CEP350: variants seen among roughly 807,000 people sequenced by gnomAD.
CEP350 encodes centrosomal protein 350, also known as centrosome-associated protein 350.
Under a neutral mutation model 331.8 loss-of-function variants are expected in CEP350, and 126 were observed. That is an observed-to-expected ratio of 0.38 (90% CI 0.33 to 0.44). The LOEUF is 0.44. CEP350 is among the 20% of genes least tolerant of loss of function. The pLI, the probability that CEP350 is intolerant of heterozygous loss-of-function variation, is 1.00. For synonymous variants in CEP350, 1,200 were observed against 1,259.5 expected (o/e 0.95, Z 1.00); for missense variants, 3,406 against 3,634.6 (o/e 0.94, Z 1.62).
intron 17 of CEP350, among the ~76,000 whole-genome samples, chr1:180,039,134 G>A (rs1656575626): frequency 6.6e-6 from 1 of 151,302 alleles, no homozygotes; most frequent in African/African-American, 2.4e-5. Flanking sequence ...GTGGTGGGGG[G>A]GTGGGGGGTG....
Position 180,102,918 on chromosome 1 carries a change from T to C in CEP350, c.9189+3933T>C, listed in dbSNP as rs772565956. Among the ~76,000 whole-genome samples, 8 of 152,232 alleles carry C rather than the reference T, an allele frequency of 5.3e-5. No individual in the cohort carries two copies. In the South Asian group the frequency reaches 6.2e-4, roughly 12 times the overall value. ...GGTTCGTCGTCTCGAGCTGAGAAAA[T>C]TAACGACACAGACACACATACATGA... On this transcript the variant is annotated intron_variant, in intron 37 of 37. Transcript: ENST00000367607.
chr1:180,018,080 ACTGCAG>A (rs1395169256), intron 11 of CEP350, among the ~76,000 whole-genome samples: 1 of 152,194 alleles, frequency 6.6e-6, no homozygotes, highest in Admixed American at 6.5e-5. Flanking sequence ...ATCATAGCTT[ACTGCAG>A]CCTCAACCTC....
At chr1:180,008,929 T>A (rs1654434990) in intron 8 of CEP350, among the ~76,000 whole-genome samples, 1 of 152,198 alleles carries the variant, frequency 6.6e-6, no homozygotes, top group Non-Finnish European at 1.5e-5. Context: ...ACTTTAGATG[T>A]CATAATAGAG....
At chr1:179,991,667 A>ATGTGTGTGTGTGTG (rs751570955) in intron 4 of CEP350, among the ~76,000 whole-genome samples, 117 of 90,202 alleles carry the variant, frequency 1.3e-3, no homozygotes, top group East Asian at 1.8e-3. Context: ...ATATATATAT[A>ATGTGTGTGTGTGTG]TGTGTGTGTG....
At position 180,112,765 on chromosome 1, in the gene CEP350, C is replaced by A. The variant is rs1018410780; in HGVS notation, c.*1604C>A. 1 of 152,596 alleles carries A rather than the reference C, an allele frequency of 6.6e-6. No individual in the cohort carries two copies. The highest frequency in any genetic ancestry group is 1.5e-5 in the Non-Finnish European group (1 of 68,030). The allele number at this position is 152,596 out of a possible 1,614,324, so 9.5% of individuals were successfully genotyped here. ...GGTATAATCTTTAAGTGTGCACGTT[C>A]GTTTATTTCTGCATCTTCCCTCCAA... On this transcript the variant is annotated 3_prime_UTR_variant, in exon 38 of 38. Transcript: ENST00000367607.
At chr1:180,078,081 C>T (rs546620255) in intron 28 of CEP350, among the ~76,000 whole-genome samples, 5 of 151,694 alleles carry the variant, frequency 3.3e-5, no homozygotes, top group South Asian at 4.2e-4. Context: ...TACAGTGAGC[C>T]GAGATCATGC....
chr1:179,975,294 G>A (rs372655426), intron 1 of CEP350, among the ~76,000 whole-genome samples: 2 of 152,198 alleles, frequency 1.3e-5, no homozygotes, highest in East Asian at 3.9e-4. Context: ...ATGTTGTGAA[G>A]GTCTCCAAGT....
chr1:180,004,906 G>GCTTGCTTGCTTGCTTTCTTGCTTT (rs1363516834), intron 7 of CEP350, among the ~76,000 whole-genome samples: 2 of 130,796 alleles, frequency 1.5e-5, no homozygotes, highest in African/African-American at 6.2e-5. Flanking sequence ...TTGCTTGCTT[G>GCTTGCTTGCTTGCTTTCTTGCTTT]CTTTCTTTCT....
At position 180,093,882 on chromosome 1, in the gene CEP350, C is replaced by G; in HGVS notation, c.7777C>G (p.Gln2593Glu). The G allele has an allele frequency of 6.2e-7, 1 of 1,613,674 alleles. No homozygotes were observed. Among genetic ancestry groups the G allele is most frequent in the Non-Finnish European group, 8.5e-7 (1 of 1,179,830 alleles). The change falls in exon 34 of 38, where the codon CAA becomes GAA. Residue 2593 changes from glutamine to glutamate, a missense_variant. Transcript: ENST00000367607. ...YSDERYQCYN[Q>E]EQNDTEGPKD... is the part of the protein sequence containing the mutation. The stretch of plus-strand genomic sequence containing the variant: ...AGATGAACGATATCAGTGCTATAAT[C>G]AAGAGCAAAATGATACAGAGGGTCC...
intron 3 of CEP350, 151 bp from the exon 4 acceptor site, chr1:179,990,356 A>G (rs542983057): frequency 2.4e-4 from 96 of 403,206 alleles, no homozygotes; most frequent in Non-Finnish European, 2.1e-4. Context: ...AAAAATGATG[A>G]AAAACAAATA....
At chr1:179,979,617 T>C (rs1182197545) in intron 1 of CEP350, among the ~76,000 whole-genome samples, 1 of 152,038 alleles carries the variant, frequency 6.6e-6, no homozygotes, top group African/African-American at 2.4e-5. Flanking sequence ...ATAAAATCTT[T>C]TACTAGACCA....
chr1:180,052,453 A>G (rs1191104467), intron 22 of CEP350: 1 of 282,520 alleles, frequency 3.5e-6, no homozygotes, highest in Non-Finnish European at 6.9e-6. Flanking sequence ...AGTATCTTGT[A>G]GTACCAGAAA....
In CEP350 at chr1:179,990,542, T is replaced by C. The variant is rs770473993; in HGVS notation, c.156T>C (p.Pro52=). Residue 52 remains proline (P), a synonymous_variant, in exon 4 of 38, where the codon CCT becomes CCC. Coordinates refer to ENST00000367607, the MANE Select transcript of CEP350 (RefSeq NM_014810.5). ...RHIENKLEVA[P]TSTAVCDSVM... Reference sequence around the variant, plus strand: ...TTGAAAATAAATTAGAAGTAGCCCCTACAAGTACAGCTGTGTGTGATTCTG... The same window carrying C: ...TTGAAAATAAATTAGAAGTAGCCCCCACAAGTACAGCTGTGTGTGATTCTG... 2 of 1,603,056 alleles carry C rather than the reference T, an allele frequency of 1.2e-6. No individual in the cohort carries two copies. Among genetic ancestry groups the C allele is most frequent in the Non-Finnish European group, 8.5e-7 (1 of 1,174,008 alleles).
chr1:180,043,326 T>C (rs1656893599), intron 20 of CEP350, 134 bp downstream of exon 20: 2 of 1,047,012 alleles, frequency 1.9e-6, no homozygotes, highest in Non-Finnish European at 2.6e-6. Flanking sequence ...CATAGTCTAG[T>C]AGGGAAGATA....
In CEP350 at chr1:179,996,499, A is replaced by G; in HGVS notation, c.396-54A>G. 21 of 1,263,964 alleles carry G rather than the reference A, an allele frequency of 1.7e-5. 1 individual carries two copies. The South Asian group carries it at 3.1e-4, about 18-fold the overall frequency. The allele number at this position is 1,263,964 out of a possible 1,614,324, so 78.3% of individuals were successfully genotyped here. A position where few individuals can be genotyped will look rare whatever the true frequency, so the allele number is the denominator to read the frequency against. On this transcript the variant is annotated intron_variant, in intron 5 of 37. Transcript: ENST00000367607. ...TAAAATCTACTCTTAGCAATTTTCAAGTATACAATATATTATTAATCATAG... is the reference window on the plus strand; with the variant it reads ...TAAAATCTACTCTTAGCAATTTTCAGGTATACAATATATTATTAATCATAG...
intron 15 of CEP350, among the ~76,000 whole-genome samples, chr1:180,032,849 A>G (rs548164299): frequency 1.4e-4 from 22 of 152,126 alleles, no homozygotes; most frequent in African/African-American, 5.3e-4. Flanking sequence ...TTAATTATTT[A>G]ACAGAAATCT....
chr1:179,969,121 C>G, intron 1 of CEP350: 2 of 663,786 alleles, frequency 3.0e-6, no homozygotes, highest in South Asian at 1.4e-5. Context: ...CCATCCCGTG[C>G]AACAATAAGG....
chr1:180,011,216 A>G (rs149708769), intron 8 of CEP350, among the ~76,000 whole-genome samples: 3 of 152,340 alleles, frequency 2.0e-5, no homozygotes, highest in African/African-American at 7.2e-5. Context: ...TTTGGTACAT[A>G]TCTGTAAAAT....
chr1:180,067,096 T>C (rs1038218324), intron 27 of CEP350, among the ~76,000 whole-genome samples: 3 of 152,206 alleles, frequency 2.0e-5, no homozygotes, highest in Non-Finnish European at 2.9e-5. Context: ...TATTTCAGAT[T>C]TGATTTAAAA....
Sources: allele counts gnomAD v4.1 joint callset (sites outside exome capture counted in the v4.1 genomes callset), GRCh38; gene constraint gnomAD v4.1.1; transcripts MANE v1.5; gene names NCBI Gene and HGNC (gene_info 2026-07-23, HGNC 2026-07-21).